FOXP2: variants seen among roughly 807,000 people sequenced by gnomAD.
The protein encoded by FOXP2 is forkhead box protein P2.
A neutral mutation model predicts 115.8 loss-of-function variants in FOXP2; 12 were observed. The ratio of observed to expected loss-of-function variants is 0.10; its 90% CI spans 0.07 to 0.17. FOXP2 has a LOEUF of 0.17. Among genes scored for constraint, FOXP2 ranks in the 10% least tolerant of loss-of-function variants. The pLI is 1.00. For missense variants in FOXP2, 629 were observed against 843.5 expected (o/e 0.75, Z 3.15); for synonymous variants, 328 against 297.7 (o/e 1.10, Z -1.05).
chr7:114,352,034 G>C (rs969655197), intron 2 of FOXP2, among the ~76,000 whole-genome samples: 1 of 151,946 alleles, frequency 6.6e-6, no homozygotes, highest in African/African-American at 2.4e-5. Context: ...TTGGGAGGCC[G>C]AGTCAGATGG....
intron 6 of FOXP2, among the ~76,000 whole-genome samples, chr7:114,634,187 G>T (rs907945001): frequency 6.6e-6 from 1 of 151,928 alleles, no homozygotes; most frequent in Admixed American, 6.6e-5. Flanking sequence ...GTAGAGACAG[G>T]GTTTCACCAT....
intron 1 of FOXP2, among the ~76,000 whole-genome samples, chr7:114,190,543 T>A (rs1426037828): frequency 6.6e-6 from 1 of 152,210 alleles, no homozygotes; most frequent in African/African-American, 2.4e-5. Context: ...GCCTTCATCT[T>A]GCAGATGGAA....
intron 2 of FOXP2, among the ~76,000 whole-genome samples, chr7:114,338,257 G>A (rs1797906879): frequency 6.6e-6 from 1 of 150,798 alleles, no homozygotes; most frequent in African/African-American, 2.4e-5. Flanking sequence ...TTGAAATTTT[G>A]TAGATTACTT....
At chr7:114,408,153 GTTA>G (rs1262059919) in intron 2 of FOXP2, among the ~76,000 whole-genome samples, 14 of 152,026 alleles carry the variant, frequency 9.2e-5, no homozygotes, top group African/African-American at 1.2e-4. Flanking sequence ...TTGGCATCAA[GTTA>G]TTTTTATTTT....
intron 8 of FOXP2, among the ~76,000 whole-genome samples, chr7:114,649,726 A>G (rs549472284): frequency 2.0e-5 from 3 of 152,192 alleles, no homozygotes; most frequent in Admixed American, 2.0e-4. Flanking sequence ...TTTACATATC[A>G]CTGGTAAACA....
intron 16 of FOXP2, among the ~76,000 whole-genome samples, chr7:114,686,241 C>T (rs560706532): frequency 7.3e-5 from 11 of 150,650 alleles, no homozygotes; most frequent in Admixed American, 1.3e-4. Flanking sequence ...GGCACTGTTT[C>T]GCCTTACTGC....
chr7:114,397,431 T>C (rs901345571), intron 2 of FOXP2, among the ~76,000 whole-genome samples: 10 of 152,076 alleles, frequency 6.6e-5, no homozygotes, highest in Non-Finnish European at 8.8e-5. Context: ...TTCCATATGA[T>C]GTAGAGAAAA....
At chr7:114,570,803 C>G (rs753361878) in intron 3 of FOXP2, 2 of 1,610,504 alleles carry the variant, frequency 1.2e-6, no homozygotes, top group Non-Finnish European at 1.7e-6. Context: ...TTTGTTTAAC[C>G]TAGGAATTGC....
intron 1 of FOXP2, among the ~76,000 whole-genome samples, chr7:114,164,000 C>T (rs1792906147): frequency 1.3e-5 from 2 of 152,136 alleles, no homozygotes; most frequent in Non-Finnish European, 2.9e-5. Context: ...TTGACTACGG[C>T]TAAGTCATAC....
At chr7:114,348,115 A>G (rs1406343529) in intron 2 of FOXP2, among the ~76,000 whole-genome samples, 1 of 152,124 alleles carries the variant, frequency 6.6e-6, no homozygotes, top group African/African-American at 2.4e-5. Flanking sequence ...GTGGTAAATC[A>G]CAGTTGAAAT....
chr7:114,179,955 C>A (rs1351200391), intron 1 of FOXP2, among the ~76,000 whole-genome samples: 1 of 151,844 alleles, frequency 6.6e-6, no homozygotes, highest in Non-Finnish European at 1.5e-5. Flanking sequence ...GACTCTTGGA[C>A]CAGTCTCCTT....
intron 3 of FOXP2, among the ~76,000 whole-genome samples, chr7:114,541,840 C>T (rs1799680037): frequency 6.6e-6 from 1 of 151,330 alleles, no homozygotes; most frequent in African/African-American, 2.4e-5. Context: ...CCCTTGACTT[C>T]TCTACCTTAA....
chr7:114,338,961 T>G (rs2129184026), intron 2 of FOXP2, among the ~76,000 whole-genome samples: 1 of 151,244 alleles, frequency 6.6e-6, no homozygotes, highest in African/African-American at 2.4e-5. Context: ...ATGAAATTTT[T>G]CATGGGGAGG....
At chr7:114,264,721 A>G (rs1453854458) in intron 1 of FOXP2, among the ~76,000 whole-genome samples, 1 of 152,208 alleles carries the variant, frequency 6.6e-6, no homozygotes, top group Non-Finnish European at 1.5e-5. Context: ...TCACCATTCT[A>G]CAGGCTGTAT....
At chr7:114,346,076 A>G (rs1027365963) in intron 2 of FOXP2, among the ~76,000 whole-genome samples, 3 of 151,866 alleles carry the variant, frequency 2.0e-5, no homozygotes, top group Admixed American at 1.3e-4. Flanking sequence ...ATTTTTAAAC[A>G]TACTGTATTG....
Position 114,515,288 on chromosome 7 carries a change from G to A in FOXP2, c.169-19329G>A, listed in dbSNP as rs1387794951. 6.8e-3 allele frequency among the ~76,000 whole-genome samples: 1,024 copies of A among 150,490 alleles called. 10 individuals carry two copies. Among genetic ancestry groups the A allele is most frequent in the African/African-American group, 0.024 (976 of 40,444 alleles). On this transcript the variant is annotated intron_variant, in intron 2 of 16. Coordinates refer to ENST00000350908, the MANE Select transcript of FOXP2 (RefSeq NM_014491.4). ...TCTAGTTCTAGATCCCTGAGGAATCGCCACACTGACTTCCACAAGGGTTGA... is the reference window on the plus strand; with the variant it reads ...TCTAGTTCTAGATCCCTGAGGAATCACCACACTGACTTCCACAAGGGTTGA...
chr7:114,377,332 A>G (rs73434111), intron 2 of FOXP2, among the ~76,000 whole-genome samples: 22,389 of 152,162 alleles, frequency 0.15, 1,980 homozygotes, highest in East Asian at 0.32. Flanking sequence ...TAAAAAGGAA[A>G]AGTTAAGAGT....
chr7:114,515,954 G>A (rs1412577268), intron 2 of FOXP2, among the ~76,000 whole-genome samples: 1 of 152,134 alleles, frequency 6.6e-6, no homozygotes, highest in Non-Finnish European at 1.5e-5. Flanking sequence ...TGGGTAGGAA[G>A]AATCAATATC....
chr7:114,578,190 C>A (rs759323172), intron 3 of FOXP2, among the ~76,000 whole-genome samples: 2 of 151,928 alleles, frequency 1.3e-5, no homozygotes, highest in African/African-American at 2.4e-5. Context: ...GAGATTATAT[C>A]TCTTAAACTC....
Sources: allele counts gnomAD v4.1 joint callset (sites outside exome capture counted in the v4.1 genomes callset), GRCh38; gene constraint gnomAD v4.1.1; transcripts MANE v1.5; gene names NCBI Gene and HGNC (gene_info 2026-07-23, HGNC 2026-07-21).